The following TRAPPC8 variants were observed in gnomAD, a reference collection of about 807,000 sequenced individuals.
TRAPPC8 encodes the protein trafficking protein particle complex subunit 8.
TRAPPC8 carries 54 observed loss-of-function variants against 174.3 expected under a neutral mutation model. That is an observed-to-expected ratio of 0.31 (90% CI 0.25 to 0.39). The LOEUF is 0.39. TRAPPC8 is among the 10% of genes least tolerant of loss of function. The probability of loss-of-function intolerance (pLI) is 1.00; values close to 1 mark genes in which losing one functional copy is unlikely to be tolerated. For synonymous variants in TRAPPC8, 630 were observed against 579.9 expected, an observed-to-expected ratio of 1.09 and a Z score of -1.24; for missense variants, 1,531 against 1,699.1, an observed-to-expected ratio of 0.90 and a Z score of 1.74.
chr18:31,852,527 C>G (rs749717030), intron 23 of TRAPPC8, 23 bp from the exon 24 acceptor site: 1 of 1,613,902 alleles, frequency 6.2e-7, no homozygotes, highest in African/African-American at 1.3e-5. Context: ...GGAAAACAAA[C>G]TAATCATATC....
At chr18:31,879,397 A>C (rs546699665) in intron 12 of TRAPPC8, among the ~76,000 whole-genome samples, 277 of 152,336 alleles carry the variant, frequency 1.8e-3, no homozygotes, top group Non-Finnish European at 2.7e-3. Context: ...CAATGAAATT[A>C]AGGCAGAAAT....
intron 9 of TRAPPC8, among the ~76,000 whole-genome samples, chr18:31,904,534 G>A (rs1341976351): frequency 6.6e-6 from 1 of 152,068 alleles, no homozygotes; most frequent in East Asian, 1.9e-4. Flanking sequence ...TTTTAAAATA[G>A]AAGAAAAAAC....
intron 27 of TRAPPC8, among the ~76,000 whole-genome samples, chr18:31,837,883 T>C (rs1848508339): frequency 6.7e-6 from 1 of 149,060 alleles, no homozygotes; most frequent in Non-Finnish European, 1.5e-5. Context: ...AAGCTAGACA[T>C]ACAAATATAC....
intron 22 of TRAPPC8, among the ~76,000 whole-genome samples, chr18:31,853,257 CAGTTA>C (rs986147256): frequency 4.6e-5 from 7 of 151,922 alleles, no homozygotes; most frequent in African/African-American, 1.7e-4. Flanking sequence ...ATTTTTGTAC[CAGTTA>C]AGTTTTGTTT....
At chr18:31,859,260 G>GT (rs1288115230) in intron 19 of TRAPPC8, among the ~76,000 whole-genome samples, 3 of 152,136 alleles carry the variant, frequency 2.0e-5, no homozygotes, top group African/African-American at 7.2e-5. Context: ...GAATCTAAAT[G>GT]TGAGTGGGAC....
chr18:31,867,236 C>A (rs1463484138), intron 17 of TRAPPC8, among the ~76,000 whole-genome samples, 166 bp downstream of exon 17: 1 of 152,194 alleles, frequency 6.6e-6, no homozygotes, highest in Non-Finnish European at 1.5e-5. Flanking sequence ...TCAAAGACCA[C>A]TGCAAACCAC....
chr18:31,913,470 A>G lies in TRAPPC8; in HGVS notation c.670T>C (p.Tyr224His), dbSNP rs1349271496. The part of the protein sequence containing the change: ...MKQKYGTQGC[Y>H]LLKINSRTSN... ...GTTCGAGAATTAATTTTAAGTAAAT[A>G]GCAACCCTGAGTTCCATATTTCTGT... Residue 224 changes from tyrosine to histidine, a missense_variant, in exon 5 of 29, where the codon TAT becomes CAT. Coordinates refer to ENST00000283351, the MANE Select transcript of TRAPPC8 (RefSeq NM_014939.5). 2 of 1,611,364 alleles carry G rather than the reference A, an allele frequency of 1.2e-6. No individual in the cohort carries two copies. Among genetic ancestry groups the G allele is most frequent in the Non-Finnish European group, 1.7e-6 (2 of 1,179,474 alleles).
chr18:31,885,620 A>G (rs2035669369), intron 12 of TRAPPC8, among the ~76,000 whole-genome samples: 1 of 152,042 alleles, frequency 6.6e-6, no homozygotes, highest in South Asian at 2.1e-4. Context: ...GCACTTTGGG[A>G]AGCCGAGGTG....
intron 12 of TRAPPC8, among the ~76,000 whole-genome samples, chr18:31,890,044 G>T (rs951637185): frequency 1.3e-5 from 2 of 152,132 alleles, no homozygotes; most frequent in Admixed American, 6.6e-5. Flanking sequence ...TCCTTAAGAC[G>T]TAAGACCATG....
At chr18:31,938,442 G>A (rs905082918) in intron 1 of TRAPPC8, among the ~76,000 whole-genome samples, 1 of 151,928 alleles carries the variant, frequency 6.6e-6, no homozygotes, top group Admixed American at 6.6e-5. Flanking sequence ...ATGGCTCTCC[G>A]TTGTGTAATA....
chr18:31,857,778 C>T lies in TRAPPC8; in HGVS notation c.2950G>A (p.Val984Ile), dbSNP rs112827133. The T allele has an allele frequency of 7.6e-5, 122 of 1,614,032 alleles. 1 individual carries two copies. The highest frequency in any genetic ancestry group is 1.3e-4 in the African/African-American group (10 of 74,920). Residue 984 changes from valine (V) to isoleucine (I), a missense_variant, in exon 20 of 29, where the codon GTT (valine) becomes ATT (isoleucine). Transcript: ENST00000283351. Reference sequence around the variant, plus strand: ...CACACAGAGGTAGCATCTGTCACAACAGTCTTGTAAGCACTACAATTCTCA... The same window carrying T: ...CACACAGAGGTAGCATCTGTCACAATAGTCTTGTAAGCACTACAATTCTCA... ...ASENCSAYKT[V>I]VTDATSVCTA...
At chr18:31,877,453 A>T (rs995105369) in intron 12 of TRAPPC8, among the ~76,000 whole-genome samples, 2 of 151,938 alleles carry the variant, frequency 1.3e-5, no homozygotes, top group African/African-American at 4.8e-5. Flanking sequence ...TCTACTAAAA[A>T]TACAAAACAT....
chr18:31,839,586 G>T, intron 26 of TRAPPC8, 129 bp from the exon 27 acceptor site: 1 of 765,534 alleles, frequency 1.3e-6, no homozygotes. Context: ...GTACTTTTCT[G>T]CTGTTAAGCT....
intron 12 of TRAPPC8, among the ~76,000 whole-genome samples, chr18:31,888,951 T>G (rs1351872752): frequency 6.6e-6 from 1 of 152,330 alleles, no homozygotes; most frequent in East Asian, 1.9e-4. Flanking sequence ...TTGGTGCTTC[T>G]CAGAAACAAC....
intron 2 of TRAPPC8, among the ~76,000 whole-genome samples, chr18:31,919,331 G>A (rs1436825292): frequency 2.0e-5 from 3 of 151,810 alleles, no homozygotes; most frequent in African/African-American, 4.8e-5. Flanking sequence ...TCAGGAGTTC[G>A]AGACCAGCCT....
chr18:31,913,522 T>C lies in TRAPPC8; in HGVS notation c.618A>G (p.Arg206=). 1 of 1,579,870 alleles carries C rather than the reference T, an allele frequency of 6.3e-7. No individual in the cohort carries two copies. The highest frequency in any genetic ancestry group is 8.6e-7 in the Non-Finnish European group (1 of 1,168,162). Residue 206 remains arginine (R), a splice_region_variant and synonymous_variant, in exon 5 of 29, where the codon AGA becomes AGG. Transcript: ENST00000283351. Reference sequence around the variant, plus strand: ...TCATTTCTTCATAAATTGATTCAGCTCTAAAACAGAAAATGGAAAAAAATC... The same window carrying C: ...TCATTTCTTCATAAATTGATTCAGCCCTAAAACAGAAAATGGAAAAAAATC... ...LHDVSAGDEQ[R]AESIYEEMKQ...
At chr18:31,916,120 T>G in intron 4 of TRAPPC8, 152 bp downstream of exon 4, 1 of 512,692 alleles carries the variant, frequency 2.0e-6, no homozygotes, top group Non-Finnish European at 3.1e-6. Context: ...AATGCCAGGA[T>G]AAAACATAAA....
At position 31,908,743 on chromosome 18, in the gene TRAPPC8, T is replaced by C; in HGVS notation, c.1122+11A>G. On this transcript the variant is annotated intron_variant, in intron 7 of 28. Coordinates refer to ENST00000283351, the MANE Select transcript of TRAPPC8 (RefSeq NM_014939.5). Reference sequence around the variant, plus strand: ...ATTTTTAAAATACTAATCCAAAAAATCAAACCTTACCTGATCGTTTAATTG... The same window carrying C: ...ATTTTTAAAATACTAATCCAAAAAACCAAACCTTACCTGATCGTTTAATTG... The C allele has an allele frequency of 6.5e-7, 1 of 1,528,954 alleles. No homozygotes were observed. The highest frequency in any genetic ancestry group is 8.8e-7 in the Non-Finnish European group (1 of 1,137,414). The allele number at this position is 1,528,954 out of a possible 1,614,324, so 94.7% of individuals were successfully genotyped here.
intron 27 of TRAPPC8, among the ~76,000 whole-genome samples, chr18:31,836,998 G>A (rs920694830): frequency 1.5e-4 from 23 of 151,912 alleles, no homozygotes; most frequent in Admixed American, 2.6e-4. Flanking sequence ...TCCTGACCTC[G>A]TGATCCGCCC....
Sources: gnomAD v4.1 joint callset for allele counts (sites outside exome capture counted in the v4.1 genomes callset) on GRCh38, gnomAD v4.1.1 for gene constraint, MANE v1.5 for transcripts, NCBI Gene and HGNC (gene_info 2026-07-23, HGNC 2026-07-21) for gene names.